ERAP1: variants seen among roughly 807,000 people sequenced by gnomAD.
ERAP1 encodes the protein endoplasmic reticulum aminopeptidase 1, also known as adipocyte-derived leucine aminopeptidase.
Under a neutral mutation model 103.7 loss-of-function variants are expected in ERAP1, and 86 were observed. The observed-to-expected ratio is 0.83, with a 90% CI of 0.70 to 0.99. ERAP1 has a LOEUF of 0.99. Ranked by LOEUF, ERAP1 falls within the 50% of genes least tolerant of loss-of-function variation. The probability of loss-of-function intolerance (pLI) is 0.00; values close to 1 mark genes in which losing one functional copy is unlikely to be tolerated. For missense variants in ERAP1, 1,009 were observed against 1,128.4 expected, an observed-to-expected ratio of 0.89 and a Z score of 1.52; for synonymous variants, 398 against 402.4, an observed-to-expected ratio of 0.99 and a Z score of 0.13.
chr5:96,888,902 T>C, the ERAP1 span, among the ~76,000 whole-genome samples: 13 of 152,340 alleles, frequency 8.5e-5, 1 homozygote, highest in East Asian at 2.5e-3. Flanking sequence ...CTCTCTATGA[T>C]ATACTTGGAT....
chr5:96,876,464 A>G, the ERAP1 span: 1 of 152,494 alleles, frequency 6.6e-6, no homozygotes, highest in East Asian at 1.9e-4. Flanking sequence ...TCTGAATCTT[A>G]GAACAGAAAG....
chr5:96,813,419 C>T, the ERAP1 span, among the ~76,000 whole-genome samples: 1 of 151,958 alleles, frequency 6.6e-6, no homozygotes, highest in Non-Finnish European at 1.5e-5. Context: ...CTTTGGGAGG[C>T]CAAGGCAGGA....
rs1777445448 is a variant in ERAP1, at chr5:96,797,246, T to G, written c.727A>C (p.Ser243Arg). The G allele has an allele frequency of 3.7e-6, 6 of 1,614,154 alleles. No homozygotes were observed. Among genetic ancestry groups the G allele is most frequent in the Non-Finnish European group, 5.1e-6 (6 of 1,179,988 alleles). ...ATGATGAAGGCCACCAGATAGGTGC[T>G]CATCTTCACAGTGACATCAAAATGG... is the stretch of plus-strand genomic sequence containing the variant. ...EDHFDVTVKM[S>R]TYLVAFIISD... Residue 243 changes from serine to arginine, a missense_variant, in exon 4 of 19, where the codon AGC becomes CGC. Around this residue, in one of 3 missense-constraint regions of ERAP1, gnomAD observed 392 missense variants for 455.2 expected, o/e 0.86. Transcript: ENST00000443439.
Position 96,793,840 on chromosome 5 carries a change from C to G in ERAP1, c.1037G>C (p.Gly346Ala), listed in dbSNP as rs27895. 1 of 1,613,484 alleles carries G rather than the reference C, an allele frequency of 6.2e-7. No individual in the cohort carries two copies. The highest frequency in any genetic ancestry group is 1.3e-5 in the African/African-American group (1 of 74,868). ...AEKSSASSKL[G>A]ITMTVAHELA... ...TTCATGGGCCACAGTCATTGTGATG[C>G]CAAGCTTACTTGATGCAGAAGACTT... Residue 346 changes from glycine to alanine, a missense_variant, in exon 6 of 19, where the codon GGC becomes GCC. Around this residue, in one of 3 missense-constraint regions of ERAP1, gnomAD observed 392 missense variants for 455.2 expected, o/e 0.86. Coordinates refer to ENST00000443439, the MANE Select transcript of ERAP1 (RefSeq NM_001040458.3).
At position 96,763,169 on chromosome 5, in the gene ERAP1, TA is replaced by T. The variant is rs778115974; in HGVS notation, c.*30del. ...GTTTGATGTAGCATCAAAGCATATTTAGTGCTGTAGTCTGAGATTCTGATGG... is the reference window on the plus strand; with the variant it reads ...GTTTGATGTAGCATCAAAGCATATTTGTGCTGTAGTCTGAGATTCTGATGG... On this transcript the variant is annotated 3_prime_UTR_variant, in exon 20 of 20. Coordinates refer to the ERAP1 transcript ENST00000296754. 13 of 780,650 alleles carry T rather than the reference TA, an allele frequency of 1.7e-5. No individual in the cohort carries two copies. The African/African-American group carries it at 2.0e-4, about 12-fold the overall frequency. The allele number at this position is 780,650 out of a possible 1,614,324, so 48.4% of individuals were successfully genotyped here. A position where few individuals can be genotyped will look rare whatever the true frequency, so the allele number is the denominator to read the frequency against.
At chr5:96,833,634 G>T in the ERAP1 span, among the ~76,000 whole-genome samples, 1 of 151,910 alleles carries the variant, frequency 6.6e-6, no homozygotes, top group Non-Finnish European at 1.5e-5. Context: ...CTCACCTTGT[G>T]TAAAAAAATA....
the ERAP1 span, among the ~76,000 whole-genome samples, chr5:96,927,547 C>T: frequency 2.0e-5 from 3 of 151,888 alleles, no homozygotes; most frequent in Admixed American, 2.0e-4. Context: ...AGTGCAGTGG[C>T]GCAATCTCGG....
chr5:96,862,317 A>G, the ERAP1 span, among the ~76,000 whole-genome samples: 2 of 152,200 alleles, frequency 1.3e-5, no homozygotes, highest in African/African-American at 2.4e-5. Context: ...AGGTGATACT[A>G]TAAGTTCTTT....
chr5:96,912,611 CTTCA>C, the ERAP1 span: 4 of 1,566,482 alleles, frequency 2.6e-6, no homozygotes, highest in South Asian at 4.8e-5. Flanking sequence ...AAAACTTTTT[CTTCA>C]TTTTTATGCT....
chr5:96,912,513 G>T, the ERAP1 span: 2,267 of 584,544 alleles, frequency 3.9e-3, 16 homozygotes, highest in South Asian at 0.014. Flanking sequence ...CAGAGAAAAA[G>T]ATTTAATACA....
intron 18 of ERAP1, among the ~76,000 whole-genome samples, chr5:96,779,965 T>C (rs1561664492): frequency 6.6e-6 from 1 of 152,216 alleles, no homozygotes; most frequent in Non-Finnish European, 1.5e-5. Flanking sequence ...AACATTTCTT[T>C]TATACATGGA....
At chr5:96,810,311 A>G (rs1191730311), upstream of ERAP1, among the ~76,000 whole-genome samples, 1 of 152,150 alleles carries the variant, frequency 6.6e-6, no homozygotes, top group African/African-American at 2.4e-5. Context: ...CACATTACCG[A>G]GCTTAGAAAT....
intron 18 of ERAP1, among the ~76,000 whole-genome samples, chr5:96,777,203 T>G (rs1254520382): frequency 1.3e-5 from 2 of 152,240 alleles, no homozygotes; most frequent in Non-Finnish European, 2.9e-5. Context: ...GTGGGTATCT[T>G]AATTCACCCC....
chr5:96,853,537 T>C, the ERAP1 span, among the ~76,000 whole-genome samples: 2 of 152,150 alleles, frequency 1.3e-5, no homozygotes, highest in African/African-American at 2.4e-5. Flanking sequence ...CTGGGAGATA[T>C]AAAAGCAGCT....
the ERAP1 span, chr5:96,884,040 A>G: frequency 3.9e-6 from 1 of 258,540 alleles, no homozygotes; most frequent in Non-Finnish European, 7.2e-6. Context: ...GTTTTTATCT[A>G]TCTATCTATC....
the ERAP1 span, among the ~76,000 whole-genome samples, chr5:96,839,628 C>T: frequency 2.7e-3 from 406 of 152,274 alleles, 6 homozygotes; most frequent in Admixed American, 0.022. Flanking sequence ...CACAGGGCCC[C>T]GCATGATCAT....
chr5:96,832,031 T>C, the ERAP1 span, among the ~76,000 whole-genome samples: 4 of 152,242 alleles, frequency 2.6e-5, no homozygotes, highest in African/African-American at 9.6e-5. Context: ...GGAAGCTGCT[T>C]GTGATTTTAT....
At chr5:96,804,259 T>A in intron 1 of ERAP1, 1 of 383,276 alleles carries the variant, frequency 2.6e-6, no homozygotes, top group Non-Finnish European at 4.9e-6. Context: ...AGAAAAGGAA[T>A]CATTAGGGGA....
the ERAP1 span, among the ~76,000 whole-genome samples, chr5:96,930,959 A>G: frequency 6.6e-6 from 1 of 152,168 alleles, no homozygotes; most frequent in Non-Finnish European, 1.5e-5. Flanking sequence ...AATTGACATC[A>G]GGGGTAGGAT....
Sources: gnomAD v4.1 joint callset for allele counts (sites outside exome capture counted in the v4.1 genomes callset) on GRCh38, gnomAD v4.1.1 for gene constraint, gnomAD v4.1.1 regional missense constraint, MANE v1.5 for transcripts, NCBI Gene and HGNC (gene_info 2026-07-23, HGNC 2026-07-21) for gene names.